The following RPA3 variants were observed in gnomAD, a reference collection of about 807,000 sequenced individuals.
RPA3 encodes the protein replication protein A 14 kDa subunit.
Under a neutral mutation model 13.7 loss-of-function variants are expected in RPA3, and 24 were observed. The ratio of observed to expected loss-of-function variants is 1.75; its 90% CI spans 1.27 to 2.46. RPA3 has a LOEUF of 2.46. RPA3 is among the 30% of genes most tolerant of loss of function. RPA3 has a pLI of 0.00. For missense variants in RPA3, 183 were observed against 151.0 expected (o/e 1.21, Z -1.11); for synonymous variants, 59 against 51.2 (o/e 1.15, Z -0.65).
In RPA3 at chr7:7,638,980, A is replaced by G. The variant is rs543084037; in HGVS notation, c.174+90T>C. The G allele has an allele frequency of 1.0e-5, 10 of 979,554 alleles. No homozygotes were observed. In the Admixed American group the frequency reaches 2.4e-4, roughly 23 times the overall value. The allele number at this position is 979,554 out of a possible 1,614,324, so 60.7% of individuals were successfully genotyped here. A position where few individuals can be genotyped will look rare whatever the true frequency, so the allele number is the denominator to read the frequency against. Reference sequence around the variant, plus strand: ...TTACCAGCTCATCCTTTTTAAATCCATTGCAAAAATTAGAAACATCGGCAA... The same window carrying G: ...TTACCAGCTCATCCTTTTTAAATCCGTTGCAAAAATTAGAAACATCGGCAA... On this transcript the variant is annotated intron_variant, in intron 6 of 7. Coordinates refer to ENST00000223129, the MANE Select transcript of RPA3 (RefSeq NM_002947.5).
At chr7:7,668,910 C>T (rs1779536142) in intron 4 of RPA3, among the ~76,000 whole-genome samples, 1 of 152,152 alleles carries the variant, frequency 6.6e-6, no homozygotes, top group Non-Finnish European at 1.5e-5. Context: ...AGGGCACTCA[C>T]ACACCCACCC....
At chr7:7,655,504 T>G (rs1583698372) in intron 4 of RPA3, among the ~76,000 whole-genome samples, 1 of 152,208 alleles carries the variant, frequency 6.6e-6, no homozygotes, top group East Asian at 1.9e-4. Flanking sequence ...CTCCCTGGCT[T>G]GATGCTCTAT....
intron 2 of RPA3, among the ~76,000 whole-genome samples, chr7:7,700,778 C>G (rs897421336): frequency 1.2e-4 from 19 of 152,110 alleles, no homozygotes; most frequent in African/African-American, 4.6e-4. Context: ...ATCAAAGCTA[C>G]TCGGGAGGCT....
At chr7:7,700,706 G>A (rs1780439014) in intron 2 of RPA3, among the ~76,000 whole-genome samples, 1 of 152,160 alleles carries the variant, frequency 6.6e-6, no homozygotes. Flanking sequence ...TGGCCAACAT[G>A]GCAAAACCCT....
In RPA3 at chr7:7,636,689, A is replaced by G. The variant is rs1054421556; in HGVS notation, c.*311T>C. 8.8e-6 allele frequency: 2 copies of G among 227,906 alleles called. No homozygotes were observed. Among genetic ancestry groups the G allele is most frequent in the African/African-American group, 4.6e-5 (2 of 43,164 alleles). The allele number at this position is 227,906 out of a possible 1,614,324, so 14.1% of individuals were successfully genotyped here. On this transcript the variant is annotated 3_prime_UTR_variant, in exon 8 of 8. Transcript: ENST00000223129. The stretch of plus-strand genomic sequence containing the variant: ...CAAGTTTGTGCTTGAATACATGATT[A>G]AAAGAATGAAAATGAAATGACCGAT...
At chr7:7,696,225 G>A (rs1583747190) in intron 2 of RPA3, among the ~76,000 whole-genome samples, 1 of 150,744 alleles carries the variant, frequency 6.6e-6, no homozygotes, top group African/African-American at 2.4e-5. Context: ...CAGGCTACCA[G>A]TGTAATTTGT....
chr7:7,698,790 T>C (rs555858291), intron 2 of RPA3, among the ~76,000 whole-genome samples: 1 of 152,224 alleles, frequency 6.6e-6, no homozygotes, highest in South Asian at 2.1e-4. Context: ...GATGAATTCA[T>C]CTCAAAGTGA....
At chr7:7,690,840 G>T (rs1317595006) in intron 2 of RPA3, among the ~76,000 whole-genome samples, 1 of 152,058 alleles carries the variant, frequency 6.6e-6, no homozygotes, top group African/African-American at 2.4e-5. Context: ...GCTAAAGTTG[G>T]GTTAAATTTT....
chr7:7,715,956 A>C (rs1780891659), intron 1 of RPA3, among the ~76,000 whole-genome samples: 1 of 152,252 alleles, frequency 6.6e-6, no homozygotes, highest in African/African-American at 2.4e-5. Context: ...AGATAGTATA[A>C]AACATAGTTT....
chr7:7,686,439 A>G (rs561121934), intron 3 of RPA3, among the ~76,000 whole-genome samples: 1 of 152,294 alleles, frequency 6.6e-6, no homozygotes, highest in South Asian at 2.1e-4. Context: ...TCAGAAATTT[A>G]TTGACAATTT....
At chr7:7,655,955 C>T (rs1785331271) in intron 4 of RPA3, among the ~76,000 whole-genome samples, 1 of 152,140 alleles carries the variant, frequency 6.6e-6, no homozygotes, top group Non-Finnish European at 1.5e-5. Context: ...CCTGCCTCAG[C>T]CTTCCGAGTA....
At chr7:7,666,184 T>TTTTGTTTG (rs146878102) in intron 4 of RPA3, among the ~76,000 whole-genome samples, 2 of 150,202 alleles carry the variant, frequency 1.3e-5, no homozygotes, top group African/African-American at 4.9e-5. Context: ...GGAAAGTGTT[T>TTTTGTTTG]TTTGTTTGTT....
chr7:7,693,027 T>G (rs1224438524), intron 2 of RPA3, among the ~76,000 whole-genome samples: 1 of 152,218 alleles, frequency 6.6e-6, no homozygotes, highest in Non-Finnish European at 1.5e-5. Context: ...TACAGGTAAT[T>G]TAATCTTTTT....
At chr7:7,686,125 CT>C (rs904775145) in intron 3 of RPA3, 127 bp from the exon 4 acceptor site, 4 of 152,208 alleles carry the variant, frequency 2.6e-5, no homozygotes, top group African/African-American at 9.6e-5. Context: ...ATACTGATGT[CT>C]GAGAATTGCT....
chr7:7,713,182 C>CAA lies in RPA3; in HGVS notation c.-1028+1991_-1028+1992dup, dbSNP rs768521316. Among the ~76,000 whole-genome samples the CAA allele has an allele frequency of 2.8e-5, 4 of 143,910 alleles. No homozygotes were observed. The South Asian group carries it at 6.6e-4, about 24-fold the overall frequency. The allele number at this position is 143,910 out of a possible 152,430, so 94.4% of individuals were successfully genotyped here. ...TGAAACCCTGTTTCTACTAAAAATA[C>CAA]AAAAAAAAAAAATTAGCTGGGCATG... On this transcript the variant is annotated intron_variant, in intron 2 of 7. Transcript: ENST00000223129.
chr7:7,654,227 G>C (rs1785290734), intron 4 of RPA3, among the ~76,000 whole-genome samples: 3 of 152,106 alleles, frequency 2.0e-5, no homozygotes, highest in African/African-American at 2.4e-5. Flanking sequence ...ATACTTTGAG[G>C]CTCAAATTTA....
chr7:7,688,377 G>A (rs1317296957), intron 2 of RPA3, among the ~76,000 whole-genome samples: 1 of 151,820 alleles, frequency 6.6e-6, no homozygotes. Flanking sequence ...CTTTTTACTT[G>A]TTATCTTAAA....
chr7:7,700,602 A>C (rs909659650), intron 2 of RPA3, among the ~76,000 whole-genome samples: 3 of 151,970 alleles, frequency 2.0e-5, no homozygotes, highest in African/African-American at 7.2e-5. Context: ...CAAAAACACC[A>C]AAGGGCCGGG....
intron 4 of RPA3, among the ~76,000 whole-genome samples, chr7:7,680,901 A>AT (rs1261090011): frequency 6.6e-6 from 1 of 152,108 alleles, no homozygotes; most frequent in Non-Finnish European, 1.5e-5. Flanking sequence ...TGTATGCCGT[A>AT]ACCTTACTGA....
Sources: gnomAD v4.1 joint callset for allele counts (sites outside exome capture counted in the v4.1 genomes callset) on GRCh38, gnomAD v4.1.1 for gene constraint, MANE v1.5 for transcripts, NCBI Gene and HGNC (gene_info 2026-07-23, HGNC 2026-07-21) for gene names.